Variants in DSCAM observed in about 807,000 individuals in gnomAD.
DSCAM encodes the protein DS cell adhesion molecule.
In DSCAM, 47 loss-of-function variants were observed where a neutral mutation model predicts 217.7. That is an observed-to-expected ratio of 0.22 (90% CI 0.17 to 0.28). The LOEUF is 0.28. Among genes scored for constraint, DSCAM ranks in the 10% least tolerant of loss-of-function variants. The pLI is 1.00. For synonymous variants in DSCAM, 1,056 were observed against 1,015.3 expected (o/e 1.04, Z -0.76); for missense variants, 2,080 against 2,618.3 (o/e 0.79, Z 4.49).
At chr21:40,568,729 A>G (rs2076783588) in intron 3 of DSCAM, among the ~76,000 whole-genome samples, 1 of 152,234 alleles carries the variant, frequency 6.6e-6, no homozygotes, top group African/African-American at 2.4e-5. Context: ...CACTTTGAGA[A>G]TAAAATACCA....
intron 6 of DSCAM, among the ~76,000 whole-genome samples, chr21:40,343,843 A>G (rs895976152): frequency 4.7e-5 from 7 of 150,238 alleles, no homozygotes; most frequent in Admixed American, 6.7e-5. Flanking sequence ...TTTATTTATT[A>G]TTATTTTATT....
chr21:40,458,501 T>A (rs2075781130), intron 3 of DSCAM, among the ~76,000 whole-genome samples: 1 of 151,612 alleles, frequency 6.6e-6, no homozygotes, highest in African/African-American at 2.4e-5. Flanking sequence ...GACATAAGCA[T>A]CCAACTGAAA....
rs905225877 is a variant in DSCAM, at chr21:40,011,544, A to G, written c.*1490T>C. On this transcript the variant is annotated 3_prime_UTR_variant, in exon 33 of 33. Transcript: ENST00000400454. ...AAATCTCTGACACAAAGACCTGTTT[A>G]TCTTTCCATTTTATGGAAGTGAGCC... is the stretch of plus-strand genomic sequence containing the variant. 5 of 152,200 alleles carry G rather than the reference A, an allele frequency of 3.3e-5. No homozygotes were observed. The highest frequency in any genetic ancestry group is 6.5e-5 in the Admixed American group (1 of 15,280). 9.4% of individuals were successfully genotyped at this position (152,200 alleles called of 1,614,324 possible).
At chr21:40,777,323 G>T (rs886343689) in intron 1 of DSCAM, among the ~76,000 whole-genome samples, 1 of 152,176 alleles carries the variant, frequency 6.6e-6, no homozygotes, top group East Asian at 1.9e-4. Context: ...TATAAATTTG[G>T]TGGGAGCCGA....
At chr21:40,087,364 A>G (rs2146577032) in intron 21 of DSCAM, 77 bp from the exon 22 acceptor site, 2 of 1,062,802 alleles carry the variant, frequency 1.9e-6, no homozygotes, top group East Asian at 4.7e-5. Flanking sequence ...CCTACTCAAT[A>G]AGGGCAATAC....
chr21:40,821,966 CAA>C (rs2091931638), intron 1 of DSCAM, among the ~76,000 whole-genome samples: 1 of 150,290 alleles, frequency 6.7e-6, no homozygotes, highest in African/African-American at 2.5e-5. Flanking sequence ...CTCCATGACA[CAA>C]GTTTATCCAT....
At chr21:40,465,984 G>A (rs1187830386) in intron 3 of DSCAM, among the ~76,000 whole-genome samples, 4 of 152,106 alleles carry the variant, frequency 2.6e-5, no homozygotes, top group East Asian at 1.9e-4. Context: ...TTTGGGTGAC[G>A]GAATCATGCC....
At chr21:40,742,061 T>A (rs2091129254) in intron 1 of DSCAM, among the ~76,000 whole-genome samples, 1 of 152,136 alleles carries the variant, frequency 6.6e-6, no homozygotes, top group African/African-American at 2.4e-5. Flanking sequence ...ATGGGCACCC[T>A]TCGTATCTTT....
At chr21:40,794,442 T>G (rs2091673073) in intron 1 of DSCAM, among the ~76,000 whole-genome samples, 1 of 151,888 alleles carries the variant, frequency 6.6e-6, no homozygotes, top group South Asian at 2.1e-4. Flanking sequence ...AACATCAGTT[T>G]AAATCACAGT....
At chr21:40,172,126 G>T (rs901933002) in intron 15 of DSCAM, among the ~76,000 whole-genome samples, 2 of 152,166 alleles carry the variant, frequency 1.3e-5, no homozygotes, top group Admixed American at 6.5e-5. Flanking sequence ...CAAATTTGCT[G>T]GGTGCAGTGG....
chr21:40,487,834 T>C (rs192373998), intron 3 of DSCAM, among the ~76,000 whole-genome samples: 1 of 152,282 alleles, frequency 6.6e-6, no homozygotes, highest in East Asian at 1.9e-4. Flanking sequence ...GGTTCTGCTA[T>C]TCACTGAGAT....
chr21:40,364,429 C>CA (rs2074804830), intron 4 of DSCAM, among the ~76,000 whole-genome samples: 1 of 145,780 alleles, frequency 6.9e-6, no homozygotes, highest in South Asian at 2.2e-4. Context: ...GTCGCAAGGA[C>CA]AAAAAACCAA....
chr21:40,663,062 C>T lies in DSCAM; in HGVS notation c.508+29748G>A, dbSNP rs946314194. On this transcript the variant is annotated intron_variant, in intron 3 of 32. Coordinates refer to ENST00000400454, the MANE Select transcript of DSCAM (RefSeq NM_001389.5). ...GCACATGTGAGTGTGTGTGTGTGCG[C>T]ACCTGTGTGTATGCCAGTATGTGTA... 9.7e-4 allele frequency among the ~76,000 whole-genome samples: 39 copies of T among 40,092 alleles called. 1 individual carries two copies. Among genetic ancestry groups the T allele is most frequent in the East Asian group, 0.011 (2 of 176 alleles). The allele number at this position is 40,092 out of a possible 152,430, so 26.3% of individuals were successfully genotyped here. A position where few individuals can be genotyped will look rare whatever the true frequency, so the allele number is the denominator to read the frequency against.
intron 3 of DSCAM, among the ~76,000 whole-genome samples, chr21:40,620,245 AAAG>A: frequency 1.2e-5 from 1 of 81,604 alleles, no homozygotes; most frequent in Non-Finnish European, 3.1e-5. Flanking sequence ...AAAGAGAGAG[AAAG>A]AGAGAGAAAA....
intron 4 of DSCAM, among the ~76,000 whole-genome samples, chr21:40,361,729 C>T (rs984352578): frequency 2.6e-5 from 4 of 152,230 alleles, no homozygotes; most frequent in Non-Finnish European, 5.9e-5. Context: ...GGTTTTGTTA[C>T]ATAACCACAG....
intron 1 of DSCAM, among the ~76,000 whole-genome samples, chr21:40,712,789 T>G (rs2090795957): frequency 6.6e-6 from 1 of 151,810 alleles, no homozygotes; most frequent in Admixed American, 6.6e-5. Flanking sequence ...GTTTAGGAAC[T>G]GACTGTATAG....
chr21:40,351,780 G>C lies in DSCAM; in HGVS notation c.934+1685C>G, dbSNP rs889388634. Among the ~76,000 whole-genome samples, 55 of 152,074 alleles carry C rather than the reference G, an allele frequency of 3.6e-4. 2 individuals are homozygous for C. Among genetic ancestry groups the C allele is most frequent in the Admixed American group, 3.5e-3 (54 of 15,276 alleles). On this transcript the variant is annotated intron_variant, in intron 5 of 32. Transcript: ENST00000400454. The stretch of plus-strand genomic sequence containing the variant: ...AATAAAGGCTTTTAAAATATAGGTA[G>C]TGATAAACGCCTTTAGAGAGAAAGC...
chr21:40,044,509 G>C (rs2088812032), intron 30 of DSCAM, among the ~76,000 whole-genome samples: 2 of 152,158 alleles, frequency 1.3e-5, no homozygotes, highest in Admixed American at 6.5e-5. Context: ...ACCCTACTTG[G>C]ATTCAGAAGT....
Position 40,264,202 on chromosome 21 carries a change from A to G in DSCAM, c.2356+11895T>C, listed in dbSNP as rs975759544. On this transcript the variant is annotated intron_variant, in intron 11 of 32. Coordinates refer to ENST00000400454, the MANE Select transcript of DSCAM (RefSeq NM_001389.5). ...GAGGGAATCCTGCCTAACTTATTCT[A>G]TGAAGCCAGTATCCTCATACCAAAG... 3.9e-5 allele frequency among the ~76,000 whole-genome samples: 6 copies of G among 152,214 alleles called. 1 individual carries two copies. The highest frequency in any genetic ancestry group is 4.1e-4 in the South Asian group (2 of 4,836).
Sources: allele counts gnomAD v4.1 joint callset (sites outside exome capture counted in the v4.1 genomes callset), GRCh38; gene constraint gnomAD v4.1.1; transcripts MANE v1.5; gene names NCBI Gene and HGNC (gene_info 2026-07-23, HGNC 2026-07-21).